The following EMC3 variants were observed in gnomAD, a reference collection of about 807,000 sequenced individuals.
The protein encoded by EMC3 is ER membrane protein complex subunit 3, also known as 30 kDa protein.
Under a neutral mutation model 36.6 loss-of-function variants are expected in EMC3, and 13 were observed. That is an observed-to-expected ratio of 0.35 (90% confidence interval 0.23 to 0.56). The LOEUF (loss-of-function observed/expected upper bound fraction) is 0.56. Ranked by LOEUF, EMC3 falls within the 20% of genes least tolerant of loss-of-function variation. The probability of loss-of-function intolerance (pLI) is 0.84; values close to 1 mark genes in which losing one functional copy is unlikely to be tolerated. For missense variants in EMC3, 220 were observed against 324.5 expected, an observed-to-expected ratio of 0.68 and a Z score of 2.47; for synonymous variants, 120 against 111.9, an observed-to-expected ratio of 1.07 and a Z score of -0.46.
intron 3 of EMC3, 150 bp downstream of exon 3, chr3:9,976,807 T>G: frequency 1.5e-6 from 1 of 657,062 alleles, no homozygotes; most frequent in East Asian, 2.5e-5. Context: ...CTTCCATAGA[T>G]CCCTGTATCA....
chr3:9,981,463 G>C (rs533329839), intron 1 of EMC3, among the ~76,000 whole-genome samples: 1 of 152,232 alleles, frequency 6.6e-6, no homozygotes, highest in East Asian at 1.9e-4. Context: ...GAGATCCATA[G>C]CTGTGTTCTC....
upstream of EMC3, chr3:9,986,896 G>C (rs1440911945): frequency 7.6e-7 from 1 of 1,322,714 alleles, no homozygotes; most frequent in African/African-American, 1.5e-5. Flanking sequence ...TCAGAGCGGC[G>C]TCGGGCCTGG....
intron 1 of EMC3, among the ~76,000 whole-genome samples, chr3:10,005,658 C>T (rs1453148227): frequency 6.6e-6 from 1 of 152,164 alleles, no homozygotes; most frequent in Non-Finnish European, 1.5e-5. Context: ...GATGAAAAAT[C>T]CATGGGTGAA....
intron 1 of EMC3, chr3:10,007,194 A>G: frequency 1.3e-6 from 1 of 793,834 alleles, no homozygotes; most frequent in Non-Finnish European, 1.7e-6. Flanking sequence ...CCCACAGCAA[A>G]TCATTAGTAG....
intron 7 of EMC3, among the ~76,000 whole-genome samples, chr3:9,967,632 TTTAAAACCACGGC>T (rs1367246448): frequency 3.3e-5 from 5 of 152,244 alleles, no homozygotes; most frequent in African/African-American, 9.6e-5. Flanking sequence ...TGTAATAGGC[TTTAAAACCACGGC>T]GTGTAAGTTA....
At chr3:9,984,779 G>A (rs866206219) in intron 1 of EMC3, among the ~76,000 whole-genome samples, 4 of 152,166 alleles carry the variant, frequency 2.6e-5, no homozygotes, top group Admixed American at 6.5e-5. Flanking sequence ...TAAAGTGATC[G>A]CTGTAGTATA....
upstream of EMC3, among the ~76,000 whole-genome samples, chr3:9,987,514 G>A (rs1166960236): frequency 2.6e-5 from 4 of 152,266 alleles, no homozygotes; most frequent in East Asian, 1.9e-4. Flanking sequence ...CTCATCTCAC[G>A]TCTGTTGGGC....
chr3:9,998,406 A>AATAATAATAATAATAATAATT (rs757919421), intron 1 of EMC3, among the ~76,000 whole-genome samples: 1 of 143,744 alleles, frequency 7.0e-6, no homozygotes, highest in Non-Finnish European at 1.5e-5. Context: ...TAATAATAAT[A>AATAATAATAATAATAATAATT]ATTTTGCTTT....
Position 9,974,857 on chromosome 3 carries a change from GTTTTTTTTTTT to G in EMC3, c.308-380_308-370del, listed in dbSNP as rs71307728. On this transcript the variant is annotated intron_variant, in intron 3 of 7. Coordinates refer to ENST00000245046, the MANE Select transcript of EMC3 (RefSeq NM_001394674.1). ...ACAGGCGGGAGCCACCGCACCCAGC[GTTTTTTTTTTT>G]TTTTTTTTTTGAGATGGAGTCTCAC... 1.6e-4 allele frequency among the ~76,000 whole-genome samples: 10 copies of G among 63,428 alleles called. 1 individual carries two copies. Among genetic ancestry groups the G allele is most frequent in the African/African-American group, 6.9e-4 (10 of 14,410 alleles). The allele number at this position is 63,428 out of a possible 152,430, so 41.6% of individuals were successfully genotyped here.
chr3:9,984,731 T>C (rs1029299851), intron 1 of EMC3, among the ~76,000 whole-genome samples: 8 of 152,170 alleles, frequency 5.3e-5, no homozygotes, highest in African/African-American at 1.9e-4. Flanking sequence ...GGTGGGGTGC[T>C]GGCTCTGGTC....
At chr3:9,965,625 T>A (rs1429733720) in intron 7 of EMC3, among the ~76,000 whole-genome samples, 1 of 152,170 alleles carries the variant, frequency 6.6e-6, no homozygotes, top group African/African-American at 2.4e-5. Flanking sequence ...AACACTTTTA[T>A]CATAACAAAA....
At chr3:10,000,486 C>T (rs2086185466) in intron 1 of EMC3, among the ~76,000 whole-genome samples, 1 of 152,194 alleles carries the variant, frequency 6.6e-6, no homozygotes, top group South Asian at 2.1e-4. Flanking sequence ...GAACATTTAA[C>T]CACAAGCTAG....
intron 1 of EMC3, among the ~76,000 whole-genome samples, chr3:9,993,475 C>T (rs2086080827): frequency 6.6e-6 from 1 of 152,126 alleles, no homozygotes; most frequent in African/African-American, 2.4e-5. Flanking sequence ...ATGAGAATAC[C>T]TCATTGGATC....
chr3:9,970,386 T>G (rs995092218), intron 6 of EMC3, among the ~76,000 whole-genome samples, 196 bp downstream of exon 6: 2 of 152,218 alleles, frequency 1.3e-5, no homozygotes, highest in Admixed American at 1.3e-4. Flanking sequence ...TCCCAGTCAT[T>G]GCCAGAGAGA....
At chr3:9,969,466 T>C in intron 7 of EMC3, 1 of 1,377,044 alleles carries the variant, frequency 7.3e-7, no homozygotes, top group Non-Finnish European at 9.4e-7. Flanking sequence ...GATTGGATTA[T>C]TTTACAGCAT....
At chr3:9,971,379 A>G (rs554040701) in intron 5 of EMC3, among the ~76,000 whole-genome samples, 82 of 152,248 alleles carry the variant, frequency 5.4e-4, no homozygotes, top group Non-Finnish European at 9.3e-4. Flanking sequence ...ATGCTTGCAT[A>G]TAATAAAAAC....
At chr3:9,968,380 AT>A (rs766522894) in intron 7 of EMC3, among the ~76,000 whole-genome samples, 8 of 152,126 alleles carry the variant, frequency 5.3e-5, no homozygotes, top group Non-Finnish European at 1.2e-4. Flanking sequence ...TTTCTTGTGG[AT>A]TCTTTAGGAT....
rs1164519493 is a variant in EMC3 at position 9,963,481 on chromosome 3, T to TTTTC, written c.*587_*588insGAAA. The TTTTC allele has an allele frequency of 1.1e-5, 1 of 88,384 alleles. No individual in the cohort carries two copies. Among genetic ancestry groups the TTTTC allele is most frequent in the African/African-American group, 5.1e-5 (1 of 19,502 alleles). 5.5% of individuals were successfully genotyped at this position (88,384 alleles called of 1,614,324 possible). On this transcript the variant is annotated 3_prime_UTR_variant, in exon 8 of 8. Transcript: ENST00000245046. Reference sequence around the variant, plus strand: ...TATATATATATATATATATATATTTTTTTTTTTTTTTCAGATGGAGTTTTG... The same window carrying TTTTC: ...TATATATATATATATATATATATTTTTTTCTTTTTTTTTTTCAGATGGAGTTTTG...
intron 3 of EMC3, among the ~76,000 whole-genome samples, chr3:9,976,168 G>A (rs769805089): frequency 2.6e-5 from 4 of 151,968 alleles, no homozygotes; most frequent in Non-Finnish European, 5.9e-5. Context: ...GTGCAGTGAC[G>A]TGACCTCAGC....
Sources: allele counts gnomAD v4.1 joint callset (sites outside exome capture counted in the v4.1 genomes callset), GRCh38; gene constraint gnomAD v4.1.1; transcripts MANE v1.5; gene names NCBI Gene and HGNC (gene_info 2026-07-23, HGNC 2026-07-21).